NIPA2: variants seen among roughly 807,000 people sequenced by gnomAD.
The protein encoded by NIPA2 is NIPA magnesium transporter 2, also known as magnesium transporter NIPA2.
Under a neutral mutation model 29.7 loss-of-function variants are expected in NIPA2, and 11 were observed. That is an observed-to-expected ratio of 0.37 (90% CI 0.23 to 0.61). The LOEUF is 0.61. Among genes scored for constraint, NIPA2 ranks in the 20% least tolerant of loss-of-function variants. The pLI is 0.66. For synonymous variants in NIPA2, 183 were observed against 161.9 expected, an observed-to-expected ratio of 1.13 and a Z score of -0.99; for missense variants, 426 against 437.9, an observed-to-expected ratio of 0.97 and a Z score of 0.24.
chr15:22,866,468 A>AC lies in NIPA2; in HGVS notation c.706dup (p.Leu236ProfsTer3). The AC allele has an allele frequency of 6.2e-7, 1 of 1,614,074 alleles. No individual in the cohort carries two copies. The highest frequency in any genetic ancestry group is 8.5e-7 in the Non-Finnish European group (1 of 1,179,980). On this transcript the variant is annotated frameshift_variant, in exon 8 of 8. Coordinates refer to ENST00000337451, the MANE Select transcript of NIPA2 (RefSeq NM_030922.7). LOFTEE classifies it high-confidence loss of function. The stretch of plus-strand genomic sequence containing the variant: ...GTCTGTGTGAGCACACAGATTAATT[A>AC]CCTAAATAGGGCCCTGGATATATTC...
At chr15:22,847,618 C>G (rs1182292075) in intron 3 of NIPA2, among the ~76,000 whole-genome samples, 8 of 152,076 alleles carry the variant, frequency 5.3e-5, no homozygotes, top group Non-Finnish European at 1.2e-4. Context: ...GAACCCGCCA[C>G]TGCGCCAGCT....
intron 2 of NIPA2, among the ~76,000 whole-genome samples, chr15:22,843,002 CAAAAAA>C (rs60054939): frequency 3.7e-5 from 4 of 107,356 alleles, no homozygotes; most frequent in Middle Eastern, 5.2e-3. Context: ...GACTCTGTCT[CAAAAAA>C]AAAAAAAAGA....
intron 4 of NIPA2, among the ~76,000 whole-genome samples, chr15:22,852,374 C>G (rs10908260): frequency 0.88 from 133,187 of 151,850 alleles, 58,710 homozygotes; most frequent in African/African-American, 0.96. Flanking sequence ...GATGAGGCAG[C>G]AGAATCGCTT....
chr15:22,838,994 T>A (rs1281255329), intron 1 of NIPA2, 73 bp downstream of exon 1: 3 of 152,176 alleles, frequency 2.0e-5, no homozygotes, highest in Non-Finnish European at 4.4e-5. Context: ...CCGCCTTGTG[T>A]CGGAGAAGGG....
intron 5 of NIPA2, among the ~76,000 whole-genome samples, chr15:22,857,738 G>A (rs1259365103): frequency 2.0e-5 from 3 of 150,886 alleles, no homozygotes; most frequent in South Asian, 2.1e-4. Context: ...TCGGGAGGCC[G>A]AGGCAGGAGA....
intron 2 of NIPA2, among the ~76,000 whole-genome samples, chr15:22,840,435 T>A (rs1896758479): frequency 6.6e-6 from 1 of 151,460 alleles, no homozygotes; most frequent in Non-Finnish European, 1.5e-5. Flanking sequence ...GTAGCTGGGG[T>A]TACAGGCGCC....
At chr15:22,862,558 G>C (rs17524529) in intron 7 of NIPA2, among the ~76,000 whole-genome samples, 1 of 151,824 alleles carries the variant, frequency 6.6e-6, no homozygotes, top group Non-Finnish European at 1.5e-5. Context: ...CAGCCCTTCT[G>C]AGTTTTTATT....
chr15:22,851,888 T>A lies in NIPA2; in HGVS notation c.139+18T>A. The A allele has an allele frequency of 6.2e-7, 1 of 1,609,346 alleles. No individual in the cohort carries two copies. The highest frequency in any genetic ancestry group is 1.1e-5 in the South Asian group (1 of 90,420). ...GAGAGCAGGTAGGTTATGCCTTATG[T>A]GACTTTGAAGTGACCTCAGTGTCTA... On this transcript the variant is annotated intron_variant, in intron 4 of 7. Transcript: ENST00000337451.
At position 22,851,886 on chromosome 15, in the gene NIPA2, T is replaced by G. The variant is rs767819005; in HGVS notation, c.139+16T>G. ...ATGAGAGCAGGTAGGTTATGCCTTATGTGACTTTGAAGTGACCTCAGTGTC... is the reference window on the plus strand; with the variant it reads ...ATGAGAGCAGGTAGGTTATGCCTTAGGTGACTTTGAAGTGACCTCAGTGTC... On this transcript the variant is annotated intron_variant, in intron 4 of 7. Coordinates refer to ENST00000337451, the MANE Select transcript of NIPA2 (RefSeq NM_030922.7). 9.9e-6 allele frequency: 16 copies of G among 1,609,666 alleles called. No homozygotes were observed. The South Asian group carries it at 1.8e-4, about 18-fold the overall frequency.
chr15:22,841,931 C>T (rs1456957718), intron 2 of NIPA2, among the ~76,000 whole-genome samples: 1 of 152,144 alleles, frequency 6.6e-6, no homozygotes, highest in Non-Finnish European at 1.5e-5. Flanking sequence ...CTTCTCTCTC[C>T]TTTGTTCTTT....
At chr15:22,844,708 C>T (rs1051858103) in intron 2 of NIPA2, among the ~76,000 whole-genome samples, 3 of 151,894 alleles carry the variant, frequency 2.0e-5, no homozygotes, top group Admixed American at 6.6e-5. Flanking sequence ...GAGCGATGAT[C>T]GCGCCACTGC....
chr15:22,842,028 C>G (rs187178372), intron 2 of NIPA2, among the ~76,000 whole-genome samples: 127 of 152,288 alleles, frequency 8.3e-4, no homozygotes, highest in African/African-American at 2.9e-3. Flanking sequence ...CAACTCAACT[C>G]CCCAGTGCCC....
chr15:22,842,885 C>G (rs1252143821), intron 2 of NIPA2, among the ~76,000 whole-genome samples: 1 of 149,356 alleles, frequency 6.7e-6, no homozygotes, highest in Non-Finnish European at 1.5e-5. Context: ...CGCCTGTAGT[C>G]CCAGCTACTC....
In NIPA2 at chr15:22,866,846, A is replaced by G. The variant is rs1163101743; in HGVS notation, c.1082A>G (p.Ter361=). The G allele has an allele frequency of 2.3e-6, 2 of 878,124 alleles. No homozygotes were observed. Among genetic ancestry groups the G allele is most frequent in the Non-Finnish European group, 3.3e-6 (2 of 614,784 alleles). The allele number at this position is 878,124 out of a possible 1,614,324, so 54.4% of individuals were successfully genotyped here. A position where few individuals can be genotyped will look rare whatever the true frequency, so the allele number is the denominator to read the frequency against. The change falls in exon 8 of 8, where the codon TAA becomes TGA. Residue 361 remains the stop codon, a stop_retained_variant. Transcript: ENST00000337451. Reference sequence around the variant, plus strand: ...AGAAATGGAAATCTGACAGCTTTTTAAGAAAGGTGTAATTAAAGGTTAATC... The same window carrying G: ...AGAAATGGAAATCTGACAGCTTTTTGAGAAAGGTGTAATTAAAGGTTAATC... ...SRRNGNLTAF[*]
At chr15:22,842,375 T>A (rs976641360) in intron 2 of NIPA2, among the ~76,000 whole-genome samples, 5 of 152,070 alleles carry the variant, frequency 3.3e-5, no homozygotes, top group Admixed American at 3.3e-4. Flanking sequence ...GAACACAGGA[T>A]GTGTGAAATA....
chr15:22,856,004 G>A (rs1031677682), intron 5 of NIPA2, among the ~76,000 whole-genome samples: 25 of 152,170 alleles, frequency 1.6e-4, no homozygotes, highest in African/African-American at 5.1e-4. Context: ...TGTGTCTTCC[G>A]AGGTGAAGCA....
At chr15:22,846,811 G>C (rs1413454090) in intron 3 of NIPA2, among the ~76,000 whole-genome samples, 1 of 101,162 alleles carries the variant, frequency 9.9e-6, no homozygotes, top group African/African-American at 3.5e-5. Context: ...ATGAGACCCT[G>C]TCTCCAAAAT....
rs559449152 is a variant in NIPA2 at position 22,843,797 on chromosome 15, C to T, written c.-215-1349C>T. Among the ~76,000 whole-genome samples, 77 of 152,006 alleles carry T rather than the reference C, an allele frequency of 5.1e-4. 1 individual carries two copies. The highest frequency in any genetic ancestry group is 1.8e-3 in the African/African-American group (75 of 41,500). ...TCACCAGTAGCTGGGATTACAGGCA[C>T]CCGCCCTCATGGCAAATACAAAAAA... On this transcript the variant is annotated intron_variant, in intron 2 of 7. Transcript: ENST00000337451.
At chr15:22,852,136 C>G (rs911503772) in intron 4 of NIPA2, among the ~76,000 whole-genome samples, 20 of 152,214 alleles carry the variant, frequency 1.3e-4, no homozygotes, top group African/African-American at 4.3e-4. Flanking sequence ...CCAACCTTTT[C>G]TTTAAATTTT....
Sources: allele counts gnomAD v4.1 joint callset (sites outside exome capture counted in the v4.1 genomes callset), GRCh38; gene constraint gnomAD v4.1.1; transcripts MANE v1.5; gene names NCBI Gene and HGNC (gene_info 2026-07-23, HGNC 2026-07-21).